ZFP41: variants seen among roughly 807,000 people sequenced by gnomAD.
ZFP41 encodes the protein zinc finger protein 41 homolog.
In ZFP41, 10 loss-of-function variants were observed where a neutral mutation model predicts 11.6. The ratio of observed to expected loss-of-function variants is 0.86; its 90% CI spans 0.53 to 1.47. ZFP41 has a LOEUF of 1.47. ZFP41 is among the 40% of genes most tolerant of loss of function. The probability of loss-of-function intolerance (pLI) is 0.00; values close to 1 mark genes in which losing one functional copy is unlikely to be tolerated. For missense variants in ZFP41, 302 were observed against 264.6 expected (o/e 1.14, Z -0.98); for synonymous variants, 123 against 100.9 (o/e 1.22, Z -1.31).
chr8:143,249,986 C>G lies in ZFP41; in HGVS notation c.143C>G (p.Thr48Arg), dbSNP rs771807312. ...CCCACTGTGCCCAGGAAGCCCCGCA[C>G]AGAGCCCTGCCTGAGTCCTGAAGAC... Reference protein sequence around the residue: ...ERPTVPRKPRTEPCLSPEDEE... With the variant: ...ERPTVPRKPRREPCLSPEDEE... Residue 48 changes from threonine (T) to arginine (R), a missense_variant, in exon 2 of 3, where the codon ACA becomes AGA. Transcript: ENST00000330701. The G allele has an allele frequency of 4.2e-5, 67 of 1,614,034 alleles. No individual in the cohort carries two copies. Among genetic ancestry groups the G allele is most frequent in the Non-Finnish European group, 5.4e-5 (64 of 1,180,046 alleles).
intron 2 of ZFP41, among the ~76,000 whole-genome samples, chr8:143,258,374 C>G (rs1311238711): frequency 6.6e-6 from 1 of 152,156 alleles, no homozygotes; most frequent in Non-Finnish European, 1.5e-5. Flanking sequence ...CTGCTGTCCT[C>G]CCTTCCTGTG....
Position 143,250,488 on chromosome 8 carries a change from A to C in ZFP41, c.*48A>C. On this transcript the variant is annotated 3_prime_UTR_variant, in exon 2 of 3. Transcript: ENST00000330701. The stretch of plus-strand genomic sequence containing the variant: ...GGCCCTGCGGTGCGAGCCTCGCCGG[A>C]CACCTGCTCCGTGGCTCCCTCGTGT... The C allele has an allele frequency of 6.3e-7, 1 of 1,576,180 alleles. No homozygotes were observed.
At chr8:143,258,302 G>A (rs547769229) in intron 2 of ZFP41, among the ~76,000 whole-genome samples, 4 of 152,336 alleles carry the variant, frequency 2.6e-5, no homozygotes, top group East Asian at 1.9e-4. Flanking sequence ...TTCTGCAGAC[G>A]TGAGCAGGAG....
chr8:143,254,245 C>G (rs547012707), intron 2 of ZFP41, among the ~76,000 whole-genome samples: 3 of 152,236 alleles, frequency 2.0e-5, no homozygotes, highest in Non-Finnish European at 4.4e-5. Context: ...CCGCCAGCCA[C>G]GTAAACCTCG....
intron 2 of ZFP41, among the ~76,000 whole-genome samples, chr8:143,259,082 C>T (rs1814978322): frequency 6.6e-6 from 1 of 152,218 alleles, no homozygotes; most frequent in East Asian, 1.9e-4. Flanking sequence ...GTCAGGAAAG[C>T]CGGAAAGAAC....
intron 2 of ZFP41, among the ~76,000 whole-genome samples, chr8:143,258,590 T>C (rs913274269): frequency 3.3e-5 from 5 of 152,156 alleles, no homozygotes; most frequent in Non-Finnish European, 5.9e-5. Context: ...AAATGACAAA[T>C]GTTCAGAATA....
chr8:143,255,284 G>A (rs900336852), intron 2 of ZFP41, among the ~76,000 whole-genome samples: 3 of 152,218 alleles, frequency 2.0e-5, no homozygotes, highest in Non-Finnish European at 4.4e-5. Context: ...GTGAAATGGC[G>A]ATGCTGACAG....
intron 2 of ZFP41, chr8:143,252,568 T>G: frequency 1.1e-6 from 1 of 910,356 alleles, no homozygotes; most frequent in Non-Finnish European, 1.3e-6. Flanking sequence ...TGTGGCCTCC[T>G]GATGGTCCTG....
rs1425773531 is a variant in ZFP41, at chr8:143,261,150, G to A, written c.*2276G>A. ...GATCAGCGACTTAGGCCTGTTGGCT[G>A]TGGTGGGGTCCACCTGCGTTTCTGG... On this transcript the variant is annotated 3_prime_UTR_variant, in exon 3 of 3. Transcript: ENST00000330701. 1 of 152,354 alleles carries A rather than the reference G, an allele frequency of 6.6e-6. No individual in the cohort carries two copies. The highest frequency in any genetic ancestry group is 1.5e-5 in the Non-Finnish European group (1 of 68,114). 9.4% of individuals were successfully genotyped at this position (152,354 alleles called of 1,614,324 possible).
In ZFP41 at chr8:143,250,328, A is replaced by G; in HGVS notation, c.485A>G (p.Gln162Arg). The change falls in exon 2 of 3, where the codon CAG becomes CGG. Residue 162 changes from glutamine (Q) to arginine (R), a missense_variant. Physicochemically the swap from Gln to Arg is conservative, Grantham distance 43. Coordinates refer to ENST00000330701, the MANE Select transcript of ZFP41 (RefSeq NM_173832.6). ...TGCGGCTCCAATCTCCTGAAACATCAGAAGACGCACACCGGGGAGAAGCCC... is the reference window on the plus strand; with the variant it reads ...TGCGGCTCCAATCTCCTGAAACATCGGAAGACGCACACCGGGGAGAAGCCC... ...FNCGSNLLKH[Q>R]KTHTGEKPYE... The G allele has an allele frequency of 6.2e-7, 1 of 1,614,026 alleles. No individual in the cohort carries two copies. Among genetic ancestry groups the G allele is most frequent in the Non-Finnish European group, 8.5e-7 (1 of 1,180,030 alleles).
intron 2 of ZFP41, among the ~76,000 whole-genome samples, chr8:143,258,260 T>C (rs891035983): frequency 9.9e-5 from 15 of 152,194 alleles, no homozygotes; most frequent in Admixed American, 7.9e-4. Flanking sequence ...GGTTGACACT[T>C]CAGTGAACTG....
At position 143,259,868 on chromosome 8, in the gene ZFP41, C is replaced by G. The variant is rs1586718953; in HGVS notation, c.*994C>G. 1 of 152,308 alleles carries G rather than the reference C, an allele frequency of 6.6e-6. No individual in the cohort carries two copies. The highest frequency in any genetic ancestry group is 1.9e-4 in the East Asian group (1 of 5,206). The allele number at this position is 152,308 out of a possible 1,614,324, so 9.4% of individuals were successfully genotyped here. A position where few individuals can be genotyped will look rare whatever the true frequency, so the allele number is the denominator to read the frequency against. ...ACTAACAAAAAAGATTCGCACATTCCTCAGTTAGAGGAGGAGCAGAGATGA... is the reference window on the plus strand; with the variant it reads ...ACTAACAAAAAAGATTCGCACATTCGTCAGTTAGAGGAGGAGCAGAGATGA... On this transcript the variant is annotated 3_prime_UTR_variant, in exon 3 of 3. Transcript: ENST00000330701.
intron 2 of ZFP41, among the ~76,000 whole-genome samples, chr8:143,252,073 C>G (rs564390197): frequency 7.2e-5 from 11 of 152,248 alleles, no homozygotes; most frequent in Admixed American, 3.9e-4. Flanking sequence ...GCTGCACTGA[C>G]AGATGTGTCT....
rs778637646 is a variant in ZFP41, at chr8:143,250,305, C to A, written c.462C>A (p.Cys154Ter). Residue 154 changes from cysteine (C) to a stop codon, truncating the protein, a stop_gained, in exon 2 of 3, where the codon TGC becomes TGA. Transcript: ENST00000330701. LOFTEE classifies it high-confidence loss of function. ...KCGECGKAFN[C>*]GSNLLKHQKT... ...GGGAGTGCGGGAAAGCCTTTAACTG[C>A]GGCTCCAATCTCCTGAAACATCAGA... 6.2e-7 allele frequency: 1 copy of A among 1,614,026 alleles called. No homozygotes were observed. Among genetic ancestry groups the A allele is most frequent in the Admixed American group, 1.7e-5 (1 of 60,022 alleles).
In ZFP41 at chr8:143,252,406, G is replaced by A. The variant is rs1005405573; in HGVS notation, c.*900+1066G>A. ...TGGCATTGCTGGTGTGGCTGTGCTC[G>A]CCTGCGGGCCCTGCCTTTGTTTGGG... is the stretch of plus-strand genomic sequence containing the variant. On this transcript the variant is annotated intron_variant, in intron 2 of 2. Transcript: ENST00000330701. Among the ~76,000 whole-genome samples, 11 of 152,234 alleles carry A rather than the reference G, an allele frequency of 7.2e-5. No homozygotes were observed. The East Asian group carries it at 7.7e-4, about 11-fold the overall frequency.
In ZFP41 at chr8:143,249,939, G is replaced by A. The variant is rs760633698; in HGVS notation, c.96G>A (p.Gly32=). The change falls in exon 2 of 3, where the codon GGG becomes GGA. Residue 32 remains glycine, a synonymous_variant. Coordinates refer to ENST00000330701, the MANE Select transcript of ZFP41 (RefSeq NM_173832.6). ...CGCTCAGAGAGGAGAAGGTGTCCGG[G>A]GACAGAAAGCCACCTGAGAGGCCCA... is the stretch of plus-strand genomic sequence containing the variant. The part of the protein sequence containing the change: ...KSALREEKVS[G]DRKPPERPTV... 2.4e-5 allele frequency: 39 copies of A among 1,613,976 alleles called. No individual in the cohort carries two copies. Among genetic ancestry groups the A allele is most frequent in the Non-Finnish European group, 3.2e-5 (38 of 1,179,964 alleles).
chr8:143,258,035 G>A lies in ZFP41; in HGVS notation c.*901-1740G>A, dbSNP rs541010742. On this transcript the variant is annotated intron_variant, in intron 2 of 2. Coordinates refer to ENST00000330701, the MANE Select transcript of ZFP41 (RefSeq NM_173832.6). ...ACATATACATGAACAAAGGTACTAAGCACTTGCAGGCCAGGCACGGTGGCT... is the reference window on the plus strand; with the variant it reads ...ACATATACATGAACAAAGGTACTAAACACTTGCAGGCCAGGCACGGTGGCT... Among the ~76,000 whole-genome samples, 11 of 152,256 alleles carry A rather than the reference G, an allele frequency of 7.2e-5. No homozygotes were observed. In the East Asian group the frequency reaches 1.9e-3, roughly 27 times the overall value.
In ZFP41 at chr8:143,261,298, C is replaced by G. The variant is rs1285104670; in HGVS notation, c.*2424C>G. 1 of 152,418 alleles carries G rather than the reference C, an allele frequency of 6.6e-6. No homozygotes were observed. Among genetic ancestry groups the G allele is most frequent in the Non-Finnish European group, 1.5e-5 (1 of 68,206 alleles). The allele number at this position is 152,418 out of a possible 1,614,324, so 9.4% of individuals were successfully genotyped here. On this transcript the variant is annotated 3_prime_UTR_variant, in exon 3 of 3. Coordinates refer to ENST00000330701, the MANE Select transcript of ZFP41 (RefSeq NM_173832.6). ...GAGAATGAGCTGAGGTAAAAACATG[C>G]TGGGGAGGAAGATGGGCCCTGGGGG...
rs187371784 is a variant in ZFP41 at position 143,260,030 on chromosome 8, C to G, written c.*1156C>G. 1.7e-4 allele frequency: 26 copies of G among 154,548 alleles called. No homozygotes were observed. The highest frequency in any genetic ancestry group is 6.0e-4 in the African/African-American group (25 of 41,522). The allele number at this position is 154,548 out of a possible 1,614,324, so 9.6% of individuals were successfully genotyped here. A position where few individuals can be genotyped will look rare whatever the true frequency, so the allele number is the denominator to read the frequency against. On this transcript the variant is annotated 3_prime_UTR_variant, in exon 3 of 3. Coordinates refer to ENST00000330701, the MANE Select transcript of ZFP41 (RefSeq NM_173832.6). Reference sequence around the variant, plus strand: ...CTCTGAAATCGTGCAGGGAAGCACCCTGTGAAATCGTGCAGGGAAGCACCC... The same window carrying G: ...CTCTGAAATCGTGCAGGGAAGCACCGTGTGAAATCGTGCAGGGAAGCACCC...
Sources: allele counts gnomAD v4.1 joint callset (sites outside exome capture counted in the v4.1 genomes callset), GRCh38; gene constraint gnomAD v4.1.1; transcripts MANE v1.5; gene names NCBI Gene and HGNC (gene_info 2026-07-23, HGNC 2026-07-21).